The following IMMT variants were observed in gnomAD, a reference collection of about 807,000 sequenced individuals.
The protein encoded by IMMT is MICOS complex subunit MIC60.
In IMMT, 40 loss-of-function variants were observed where a neutral mutation model predicts 92.7. That is an observed-to-expected ratio of 0.43 (90% CI 0.34 to 0.56). The LOEUF is 0.56. IMMT is among the 20% of genes least tolerant of loss of function. The pLI, the probability that IMMT is intolerant of heterozygous loss-of-function variation, is 0.03. For missense variants in IMMT, 831 were observed against 912.1 expected, an observed-to-expected ratio of 0.91 and a Z score of 1.14; for synonymous variants, 322 against 336.1, an observed-to-expected ratio of 0.96 and a Z score of 0.46.
intron 8 of IMMT, 187 bp from the exon 9 acceptor site, chr2:86,159,858 A>G: frequency 1.0e-5 from 4 of 394,080 alleles, no homozygotes; most frequent in Non-Finnish European, 1.8e-5. Flanking sequence ...GTTCAAGACC[A>G]GCCTGGACAA....
intron 1 of IMMT, among the ~76,000 whole-genome samples, chr2:86,182,985 G>A (rs1672535054): frequency 6.6e-6 from 1 of 152,098 alleles, no homozygotes; most frequent in East Asian, 1.9e-4. Flanking sequence ...AGAAAAGGGT[G>A]TTTTCCTTCT....
At chr2:86,171,537 GACAATGGTTGGGAACGA>G (rs1281031272) in intron 4 of IMMT, 192 bp from the exon 5 acceptor site, 1 of 567,144 alleles carries the variant, frequency 1.8e-6, no homozygotes, top group African/African-American at 1.9e-5. Context: ...ACACAAAATG[GACAATGGTTGGGAACGA>G]ACAAAAGAAA....
intron 4 of IMMT, among the ~76,000 whole-genome samples, chr2:86,173,292 G>T (rs1328224806): frequency 6.6e-6 from 1 of 152,172 alleles, no homozygotes; most frequent in East Asian, 1.9e-4. Context: ...TAAAGAATTG[G>T]TGAAGAGGCC....
chr2:86,184,128 C>G (rs1330846015), intron 1 of IMMT, among the ~76,000 whole-genome samples: 1 of 151,964 alleles, frequency 6.6e-6, no homozygotes, highest in Non-Finnish European at 1.5e-5. Context: ...CATTGACAAT[C>G]TGAGGGGTGA....
At chr2:86,147,225 C>T (rs149999584) in intron 13 of IMMT, among the ~76,000 whole-genome samples, 8 of 152,226 alleles carry the variant, frequency 5.3e-5, no homozygotes, top group East Asian at 1.9e-4. Context: ...TGACATACAT[C>T]GCGATTCTCT....
chr2:86,190,913 C>G (rs750047428), intron 1 of IMMT, among the ~76,000 whole-genome samples: 7 of 152,138 alleles, frequency 4.6e-5, no homozygotes, highest in Non-Finnish European at 1.0e-4. Context: ...TGCTAGAACC[C>G]AGGAGGCGGA....
chr2:86,172,945 G>C (rs59185549), intron 4 of IMMT, among the ~76,000 whole-genome samples: 1 of 151,884 alleles, frequency 6.6e-6, no homozygotes, highest in Non-Finnish European at 1.5e-5. Context: ...CATCCTATAC[G>C]TTTTACTTGT....
chr2:86,185,571 T>C (rs1672718074), intron 1 of IMMT, among the ~76,000 whole-genome samples: 1 of 152,084 alleles, frequency 6.6e-6, no homozygotes, highest in Admixed American at 6.6e-5. Context: ...ACATTAAAGG[T>C]GTTACCTACA....
chr2:86,152,554 A>G (rs1376746107), intron 11 of IMMT, among the ~76,000 whole-genome samples: 3 of 151,844 alleles, frequency 2.0e-5, no homozygotes, highest in African/African-American at 4.8e-5. Context: ...TTAGGCCAGG[A>G]GTTTGAGACT....
chr2:86,173,580 C>CA (rs543469925), intron 4 of IMMT, 70 bp downstream of exon 4: 78,868 of 731,102 alleles, frequency 0.11, 306 homozygotes, highest in Non-Finnish European at 0.12. Context: ...AACTCCATCT[C>CA]AAAAAAAAAA....
chr2:86,162,090 A>C lies in IMMT; in HGVS notation c.793-11T>G. Reference sequence around the variant, plus strand: ...CTTCTCGCCTGCAATCTAAACAAAAAATTTTAATTATATAATAAATAACTG... The same window carrying C: ...CTTCTCGCCTGCAATCTAAACAAAACATTTTAATTATATAATAAATAACTG... On this transcript the variant is annotated splice_polypyrimidine_tract_variant and intron_variant, in intron 7 of 14. Transcript: ENST00000410111. 3 of 1,507,678 alleles carry C rather than the reference A, an allele frequency of 2.0e-6. No individual in the cohort carries two copies. The highest frequency in any genetic ancestry group is 2.7e-6 in the Non-Finnish European group (3 of 1,117,390). The allele number at this position is 1,507,678 out of a possible 1,614,324, so 93.4% of individuals were successfully genotyped here.
intron 3 of IMMT, 109 bp downstream of exon 3, chr2:86,179,320 GTCCT>G: frequency 1.2e-6 from 1 of 836,458 alleles, no homozygotes; most frequent in Non-Finnish European, 1.8e-6. Context: ...TCCACAGGAG[GTCCT>G]GAACCTCTCC....
chr2:86,155,964 CTA>C (rs1490139243), intron 10 of IMMT, among the ~76,000 whole-genome samples: 2 of 152,284 alleles, frequency 1.3e-5, no homozygotes, highest in African/African-American at 4.8e-5. Context: ...AATATATACT[CTA>C]TTTTATAAAT....
In IMMT at chr2:86,190,008, G is replaced by A. The variant is rs139776931; in HGVS notation, c.45+5330C>T. Reference sequence around the variant, plus strand: ...ATACTTATCAGTATGACAAAAGCAGGAACTTGACACTTTAGTTTTCCCTGC... The same window carrying A: ...ATACTTATCAGTATGACAAAAGCAGAAACTTGACACTTTAGTTTTCCCTGC... On this transcript the variant is annotated intron_variant, in intron 1 of 14. Transcript: ENST00000410111. Among the ~76,000 whole-genome samples the A allele has an allele frequency of 9.2e-5, 14 of 152,290 alleles. No homozygotes were observed. The South Asian group carries it at 2.9e-3, about 32-fold the overall frequency.
chr2:86,149,615 T>C (rs1157361475), intron 12 of IMMT, among the ~76,000 whole-genome samples: 2 of 152,148 alleles, frequency 1.3e-5, no homozygotes, highest in African/African-American at 2.4e-5. Flanking sequence ...TGGTACCTCA[T>C]GCCTGTAATT....
Position 86,144,900 on chromosome 2 carries a change from A to G in IMMT, c.1664-19T>C, listed in dbSNP as rs760189025. The G allele has an allele frequency of 4.5e-6, 7 of 1,563,590 alleles. No individual in the cohort carries two copies. In the East Asian group the frequency reaches 1.6e-4, roughly 35 times the overall value. On this transcript the variant is annotated intron_variant, in intron 14 of 14. Coordinates refer to ENST00000410111, the MANE Select transcript of IMMT (RefSeq NM_006839.3). The stretch of plus-strand genomic sequence containing the variant: ...GCATGGCCTACAAAGAAAAAAAGGC[A>G]AAGCCAAACATTTTTCTCTCCATCT...
chr2:86,190,366 G>A (rs1201838512), intron 1 of IMMT, among the ~76,000 whole-genome samples: 3 of 152,326 alleles, frequency 2.0e-5, no homozygotes, highest in South Asian at 4.2e-4. Flanking sequence ...AAGTAAGCTG[G>A]AGCGGTTGAT....
intron 12 of IMMT, among the ~76,000 whole-genome samples, chr2:86,149,396 T>C (rs912760718): frequency 3.3e-5 from 5 of 152,208 alleles, no homozygotes; most frequent in Non-Finnish European, 7.3e-5. Context: ...TTTTGGGTAC[T>C]GGTTAAGAAT....
At chr2:86,169,310 A>G (rs899632873) in intron 6 of IMMT, among the ~76,000 whole-genome samples, 1 of 152,238 alleles carries the variant, frequency 6.6e-6, no homozygotes. Flanking sequence ...GAAAAATGAA[A>G]TATTTCACTT....
Sources: gnomAD v4.1 joint callset for allele counts (sites outside exome capture counted in the v4.1 genomes callset) on GRCh38, gnomAD v4.1.1 for gene constraint, MANE v1.5 for transcripts, NCBI Gene and HGNC (gene_info 2026-07-23, HGNC 2026-07-21) for gene names.